ST6GALNAC5: variants seen among roughly 807,000 people sequenced by gnomAD.
ST6GALNAC5 encodes alpha-N-acetylgalactosaminide alpha-2,6-sialyltransferase 5.
Under a neutral mutation model 33.6 loss-of-function variants are expected in ST6GALNAC5, and 27 were observed. The ratio of observed to expected loss-of-function variants is 0.80; its 90% CI spans 0.59 to 1.11. The LOEUF is 1.11. Ranked by LOEUF, ST6GALNAC5 falls within the 50% of genes least tolerant of loss-of-function variation. ST6GALNAC5 has a pLI of 0.00. For missense variants in ST6GALNAC5, 428 were observed against 454.0 expected (o/e 0.94, Z 0.52); for synonymous variants, 194 against 171.2 (o/e 1.13, Z -1.04).
At chr1:76,916,026 C>T (rs1261304222) in intron 2 of ST6GALNAC5, among the ~76,000 whole-genome samples, 2 of 149,734 alleles carry the variant, frequency 1.3e-5, no homozygotes, top group African/African-American at 4.9e-5. Context: ...AAAAAAAAAA[C>T]TCATTGAAAT....
chr1:77,005,481 G>T (rs1351989524), intron 2 of ST6GALNAC5, among the ~76,000 whole-genome samples: 1 of 152,216 alleles, frequency 6.6e-6, no homozygotes, highest in Non-Finnish European at 1.5e-5. Flanking sequence ...CTGTAGACCG[G>T]AGCTGTTCCT....
chr1:77,061,540 G>A (rs1392014884), intron 4 of ST6GALNAC5, among the ~76,000 whole-genome samples: 1 of 152,226 alleles, frequency 6.6e-6, no homozygotes, highest in Admixed American at 6.5e-5. Context: ...ATCAGGCTCT[G>A]AAAGATGATT....
chr1:77,035,173 G>A (rs1046332181), intron 2 of ST6GALNAC5, among the ~76,000 whole-genome samples: 1 of 152,160 alleles, frequency 6.6e-6, no homozygotes, highest in Non-Finnish European at 1.5e-5. Context: ...TGTTGTTGCT[G>A]CTGGCCTGGG....
chr1:76,934,715 C>T (rs907287234), intron 2 of ST6GALNAC5, among the ~76,000 whole-genome samples: 2 of 151,970 alleles, frequency 1.3e-5, no homozygotes, highest in Non-Finnish European at 2.9e-5. Flanking sequence ...CCAGGGAGTA[C>T]TGTGAATATT....
At position 77,063,448 on chromosome 1, in the gene ST6GALNAC5, CA is replaced by C; in HGVS notation, c.*243del. ...CAATGGTGTTACCTTAGGAGCTGAA[CA>C]TTCAATTCAGTTACACCACTATGAC... On this transcript the variant is annotated 3_prime_UTR_variant, in exon 5 of 5. Transcript: ENST00000477717. 1 of 505,292 alleles carries C rather than the reference CA, an allele frequency of 2.0e-6. No homozygotes were observed. The highest frequency in any genetic ancestry group is 3.6e-6 in the Non-Finnish European group (1 of 280,278). The allele number at this position is 505,292 out of a possible 1,614,324, so 31.3% of individuals were successfully genotyped here.
At chr1:76,888,700 A>C (rs1653950671) in intron 2 of ST6GALNAC5, among the ~76,000 whole-genome samples, 1 of 152,114 alleles carries the variant, frequency 6.6e-6, no homozygotes, top group African/African-American at 2.4e-5. Flanking sequence ...TTAAAAATTA[A>C]ATGCTTGATT....
intron 2 of ST6GALNAC5, among the ~76,000 whole-genome samples, chr1:76,894,168 A>G (rs747742199): frequency 6.6e-6 from 1 of 152,188 alleles, no homozygotes; most frequent in Non-Finnish European, 1.5e-5. Flanking sequence ...AAAATCTGTC[A>G]AATCTTTTAA....
intron 2 of ST6GALNAC5, among the ~76,000 whole-genome samples, chr1:76,888,773 T>TAATTTATTTTTA (rs56900207): frequency 0.055 from 8,352 of 152,104 alleles, 602 homozygotes; most frequent in African/African-American, 0.17. Flanking sequence ...CTAAATGAAT[T>TAATTTATTTTTA]AATTTATTTT....
intron 2 of ST6GALNAC5, among the ~76,000 whole-genome samples, chr1:77,019,603 C>A (rs183257049): frequency 6.6e-6 from 1 of 152,328 alleles, no homozygotes; most frequent in African/African-American, 2.4e-5. Context: ...GGAGGAACTT[C>A]TGCACAGAAT....
chr1:77,015,408 C>T (rs909563085), intron 2 of ST6GALNAC5, among the ~76,000 whole-genome samples: 2 of 152,152 alleles, frequency 1.3e-5, no homozygotes, highest in East Asian at 3.9e-4. Context: ...AACTCAAATG[C>T]TAGTCTCATC....
chr1:77,021,076 C>G (rs1212795562), intron 2 of ST6GALNAC5, among the ~76,000 whole-genome samples: 2 of 152,224 alleles, frequency 1.3e-5, no homozygotes, highest in African/African-American at 4.8e-5. Context: ...AGGTGAGACA[C>G]TAAGGTGAGC....
rs537029406 is a variant in ST6GALNAC5, at chr1:77,040,739, CA to C, written c.262-3464del. 9.8e-5 allele frequency among the ~76,000 whole-genome samples: 15 copies of C among 152,286 alleles called. No homozygotes were observed. The East Asian group carries it at 2.9e-3, about 29-fold the overall frequency. On this transcript the variant is annotated intron_variant, in intron 2 of 4. Coordinates refer to ENST00000477717, the MANE Select transcript of ST6GALNAC5 (RefSeq NM_030965.3). ...AGTAATAATGACTACAGTAAAATTACAGATCCAACCGGAAAATTCAGGATAA... is the reference window on the plus strand; with the variant it reads ...AGTAATAATGACTACAGTAAAATTACGATCCAACCGGAAAATTCAGGATAA...
At position 77,004,803 on chromosome 1, in the gene ST6GALNAC5, C is replaced by T. The variant is rs574507173; in HGVS notation, c.262-39401C>T. ...AGGGGTGCCTCCCAGTTAGGCTGCT[C>T]GGGGGTCAGGGGTCAGGGACCCACT... On this transcript the variant is annotated intron_variant, in intron 2 of 4. Coordinates refer to ENST00000477717, the MANE Select transcript of ST6GALNAC5 (RefSeq NM_030965.3). 1.4e-3 allele frequency among the ~76,000 whole-genome samples: 187 copies of T among 129,634 alleles called. 3 individuals are homozygous for T. The highest frequency in any genetic ancestry group is 4.5e-3 in the African/African-American group (180 of 40,262). The allele number at this position is 129,634 out of a possible 152,430, so 85.0% of individuals were successfully genotyped here. A position where few individuals can be genotyped will look rare whatever the true frequency, so the allele number is the denominator to read the frequency against.
chr1:76,918,019 C>T (rs1646992696), intron 2 of ST6GALNAC5, among the ~76,000 whole-genome samples: 1 of 152,100 alleles, frequency 6.6e-6, no homozygotes, highest in South Asian at 2.1e-4. Context: ...TCCAGAAACA[C>T]CCAGAATAAT....
intron 2 of ST6GALNAC5, among the ~76,000 whole-genome samples, chr1:77,034,491 T>G (rs1651579534): frequency 6.6e-6 from 1 of 152,110 alleles, no homozygotes; most frequent in Non-Finnish European, 1.5e-5. Context: ...ACATAGCTTT[T>G]GAGGGAAGCA....
intron 2 of ST6GALNAC5, among the ~76,000 whole-genome samples, chr1:76,959,330 C>G (rs1428856946): frequency 1.3e-5 from 2 of 152,184 alleles, no homozygotes; most frequent in Non-Finnish European, 2.9e-5. Flanking sequence ...AAAATTCTGA[C>G]ATGGTATAGT....
intron 2 of ST6GALNAC5, among the ~76,000 whole-genome samples, chr1:77,005,240 A>G (rs1650355043): frequency 6.6e-6 from 1 of 152,216 alleles, no homozygotes; most frequent in Non-Finnish European, 1.5e-5. Flanking sequence ...TTCAGGTGGG[A>G]GTGACCCGAT....
intron 2 of ST6GALNAC5, among the ~76,000 whole-genome samples, chr1:77,042,880 C>A (rs1396508348): frequency 1.3e-5 from 2 of 151,976 alleles, no homozygotes; most frequent in Admixed American, 1.3e-4. Context: ...AGTGTCTTAC[C>A]AAGGTCCCAC....
chr1:76,888,046 G>A (rs1557710338), intron 2 of ST6GALNAC5, among the ~76,000 whole-genome samples: 1 of 152,138 alleles, frequency 6.6e-6, no homozygotes, highest in Non-Finnish European at 1.5e-5. Flanking sequence ...TTTAGGGCAA[G>A]GAAATGTGGA....
Sources: allele counts gnomAD v4.1 joint callset (sites outside exome capture counted in the v4.1 genomes callset), GRCh38; gene constraint gnomAD v4.1.1; transcripts MANE v1.5; gene names NCBI Gene and HGNC (gene_info 2026-07-23, HGNC 2026-07-21).